The following STAU2 variants were observed in gnomAD, a reference collection of about 807,000 sequenced individuals.
The protein encoded by STAU2 is double-stranded RNA-binding protein Staufen homolog 2.
A neutral mutation model predicts 65.9 loss-of-function variants in STAU2; 20 were observed. The observed-to-expected ratio is 0.30, with a 90% CI of 0.21 to 0.44. STAU2 has a LOEUF of 0.44. Ranked by LOEUF, STAU2 falls within the 20% of genes least tolerant of loss-of-function variation. The pLI is 1.00. For synonymous variants in STAU2, 232 were observed against 233.9 expected (o/e 0.99, Z 0.07); for missense variants, 558 against 683.9 (o/e 0.82, Z 2.05).
chr8:73,482,377 T>G (rs913320941), intron 13 of STAU2, among the ~76,000 whole-genome samples: 7 of 152,140 alleles, frequency 4.6e-5, no homozygotes, highest in Non-Finnish European at 1.0e-4. Flanking sequence ...GTTGAAAAAT[T>G]TAATAGACAT....
intron 9 of STAU2, among the ~76,000 whole-genome samples, 197 bp downstream of exon 9, chr8:73,613,547 A>C (rs1412781760): frequency 6.6e-6 from 1 of 152,240 alleles, no homozygotes; most frequent in African/African-American, 2.4e-5. Context: ...TGATTATTTG[A>C]TGTACAAATG....
At position 73,421,350 on chromosome 8, in the gene STAU2, C is replaced by T. The variant is rs1816356801; in HGVS notation, c.*22G>A. The T allele has an allele frequency of 2.6e-6, 4 of 1,536,216 alleles. No individual in the cohort carries two copies. The highest frequency in any genetic ancestry group is 1.4e-5 in the African/African-American group (1 of 73,158). On this transcript the variant is annotated 3_prime_UTR_variant, in exon 15 of 15. Transcript: ENST00000524300. The stretch of plus-strand genomic sequence containing the variant: ...TGACAGGTTTATAAGGATGCGGTGG[C>T]AGCCGCGGGTTCTGGGAGCTGCTAG...
rs1337815918 is a variant in STAU2 at position 73,617,337 on chromosome 8, G to A, written c.525C>T (p.Ala175=). 6.2e-7 allele frequency: 1 copy of A among 1,614,020 alleles called. No homozygotes were observed. Among genetic ancestry groups the A allele is most frequent in the Admixed American group, 1.7e-5 (1 of 59,998 alleles). ...TAGGTTCATTCTGCAGTGCTTGGAGGGCTTTCATTGCAGCATTGTGTCTAG... is the reference window on the plus strand; with the variant it reads ...TAGGTTCATTCTGCAGTGCTTGGAGAGCTTTCATTGCAGCATTGTGTCTAG... ...QAARHNAAMK[A]LQALQNEPIP... is the part of the protein sequence containing the mutation. The change falls in exon 7 of 15, where the codon GCC becomes GCT. Residue 175 remains alanine, a synonymous_variant. Transcript: ENST00000524300.
chr8:73,644,002 C>A (rs1815178953), intron 6 of STAU2, among the ~76,000 whole-genome samples: 3 of 151,944 alleles, frequency 2.0e-5, no homozygotes, highest in Non-Finnish European at 4.4e-5. Flanking sequence ...ACTAAGAAGG[C>A]AAAATGAAAA....
intron 13 of STAU2, among the ~76,000 whole-genome samples, chr8:73,500,320 C>A (rs1821671228): frequency 6.6e-6 from 1 of 151,862 alleles, no homozygotes; most frequent in Non-Finnish European, 1.5e-5. Context: ...GCCTACCTAC[C>A]ACTTCGTTGG....
intron 6 of STAU2, among the ~76,000 whole-genome samples, chr8:73,619,674 G>C (rs893905662): frequency 6.6e-6 from 1 of 152,194 alleles, no homozygotes; most frequent in African/African-American, 2.4e-5. Context: ...CCTGGAAAGG[G>C]TAAGTGTAAA....
chr8:73,467,950 A>C (rs970475808), intron 13 of STAU2, among the ~76,000 whole-genome samples: 2 of 152,238 alleles, frequency 1.3e-5, no homozygotes, highest in African/African-American at 4.8e-5. Context: ...ATTGGAAAAA[A>C]CTACTTTAAA....
chr8:73,685,381 CTTT>C (rs1291568249), intron 5 of STAU2, among the ~76,000 whole-genome samples: 2 of 139,392 alleles, frequency 1.4e-5, no homozygotes, highest in Admixed American at 7.2e-5. Flanking sequence ...CTTTTTTTTT[CTTT>C]TTTTTTTTTT....
At chr8:73,426,990 G>A (rs1446518766) in intron 13 of STAU2, among the ~76,000 whole-genome samples, 10 of 149,106 alleles carry the variant, frequency 6.7e-5, no homozygotes, top group East Asian at 5.9e-4. Flanking sequence ...GTGCAATGGC[G>A]TGAACTCGGC....
chr8:73,564,171 C>T (rs1485556712), intron 12 of STAU2, among the ~76,000 whole-genome samples: 2 of 152,108 alleles, frequency 1.3e-5, no homozygotes, highest in Admixed American at 6.5e-5. Flanking sequence ...GAGGGCTTCC[C>T]AAGGGACTAA....
chr8:73,534,698 A>G (rs1291853404), intron 13 of STAU2, among the ~76,000 whole-genome samples: 1 of 152,216 alleles, frequency 6.6e-6, no homozygotes, highest in Non-Finnish European at 1.5e-5. Context: ...AAAGAGAATA[A>G]TATCTGTTAC....
Position 73,739,789 on chromosome 8 carries a change from C to CT in STAU2, c.-118dup. On this transcript the variant is annotated 5_prime_UTR_variant, in exon 2 of 15. Coordinates refer to ENST00000524300, the MANE Select transcript of STAU2 (RefSeq NM_001164380.2). ...CCTTGGTTCAAATTACTTTGTGTAT[C>CT]TTTGAGTTCTTCTTTTTCTGTCTTC... 1 of 1,525,682 alleles carries CT rather than the reference C, an allele frequency of 6.6e-7. No individual in the cohort carries two copies. Among genetic ancestry groups the CT allele is most frequent in the African/African-American group, 1.4e-5 (1 of 72,430 alleles). 94.5% of individuals were successfully genotyped at this position (1,525,682 alleles called of 1,614,324 possible).
intron 6 of STAU2, among the ~76,000 whole-genome samples, chr8:73,631,643 A>G (rs1017059933): frequency 5.9e-5 from 9 of 152,182 alleles, no homozygotes; most frequent in Non-Finnish European, 1.2e-4. Flanking sequence ...AGTCAATTAC[A>G]GTACAGGAGT....
intron 6 of STAU2, among the ~76,000 whole-genome samples, chr8:73,667,976 T>C (rs1156541836): frequency 3.3e-5 from 5 of 152,216 alleles, no homozygotes; most frequent in Non-Finnish European, 5.9e-5. Flanking sequence ...AAAATAATTG[T>C]ACCCTGCGGA....
At chr8:73,606,115 T>G (rs1463110212) in intron 9 of STAU2, among the ~76,000 whole-genome samples, 1 of 151,972 alleles carries the variant, frequency 6.6e-6, no homozygotes, top group Non-Finnish European at 1.5e-5. Flanking sequence ...TTTCTAAAAC[T>G]ATAAGATTTC....
chr8:73,487,872 T>C (rs1820993304), intron 13 of STAU2, among the ~76,000 whole-genome samples: 1 of 152,020 alleles, frequency 6.6e-6, no homozygotes, highest in Admixed American at 6.6e-5. Flanking sequence ...ATAAAAAAAT[T>C]AGTATATCAC....
At chr8:73,443,059 T>A (rs1425657268) in intron 13 of STAU2, among the ~76,000 whole-genome samples, 1 of 152,206 alleles carries the variant, frequency 6.6e-6, no homozygotes, top group Admixed American at 6.5e-5. Flanking sequence ...AGGGATGTTA[T>A]ATCAACCAAC....
chr8:73,736,028 G>T (rs1217685173), intron 3 of STAU2, among the ~76,000 whole-genome samples: 1 of 152,232 alleles, frequency 6.6e-6, no homozygotes, highest in East Asian at 1.9e-4. Context: ...TGGGATTTGA[G>T]AGCAGCTGTG....
intron 13 of STAU2, among the ~76,000 whole-genome samples, chr8:73,487,211 G>A (rs1820962820): frequency 6.6e-6 from 1 of 152,042 alleles, no homozygotes; most frequent in Non-Finnish European, 1.5e-5. Context: ...TTAGGAAAAT[G>A]ATGCAAAGAA....
Sources: allele counts gnomAD v4.1 joint callset (sites outside exome capture counted in the v4.1 genomes callset), GRCh38; gene constraint gnomAD v4.1.1; transcripts MANE v1.5; gene names NCBI Gene and HGNC (gene_info 2026-07-23, HGNC 2026-07-21).